Variants in PTCHD4 observed in about 807,000 individuals in gnomAD.
The protein encoded by PTCHD4 is patched domain containing 4.
Under a neutral mutation model 58.1 loss-of-function variants are expected in PTCHD4, and 33 were observed. That is an observed-to-expected ratio of 0.57 (90% CI 0.43 to 0.76). PTCHD4 has a LOEUF of 0.76. PTCHD4 is among the 30% of genes least tolerant of loss of function. The pLI is 0.00. For missense variants in PTCHD4, 1,058 were observed against 1,027.1 expected (o/e 1.03, Z -0.41); for synonymous variants, 478 against 409.6 (o/e 1.17, Z -2.02).
chr6:47,880,636 T>G (rs1763993509), intron 4 of PTCHD4, among the ~76,000 whole-genome samples: 1 of 152,142 alleles, frequency 6.6e-6, no homozygotes, highest in South Asian at 2.1e-4. Context: ...CTGATTCACG[T>G]GAGATGGATG....
chr6:48,037,184 A>T (rs1653950877), intron 3 of PTCHD4, among the ~76,000 whole-genome samples: 1 of 152,008 alleles, frequency 6.6e-6, no homozygotes, highest in African/African-American at 2.4e-5. Context: ...AGATATTTTG[A>T]GAGAGAGAGA....
Position 47,878,500 on chromosome 6 carries a change from A to C in PTCHD4, c.2335T>G (p.Phe779Val). 5.0e-6 allele frequency: 8 copies of C among 1,613,480 alleles called. No homozygotes were observed. The highest frequency in any genetic ancestry group is 6.8e-6 in the Non-Finnish European group (8 of 1,179,690). ...PLLFVPSNLT[F>V]TLFKCLLLTG... ...AGCAGCAAGCATTTGAACAGTGTGAAGGTCAGGTTCGAAGGCACAAATAGA... is the reference window on the plus strand; with the variant it reads ...AGCAGCAAGCATTTGAACAGTGTGACGGTCAGGTTCGAAGGCACAAATAGA... Residue 779 changes from phenylalanine to valine, a missense_variant, in exon 5 of 5, where the codon TTC becomes GTC. Physicochemically the swap from Phe to Val is conservative, Grantham distance 50. Transcript: ENST00000339488.
chr6:47,885,269 G>A (rs1190913044), intron 4 of PTCHD4, among the ~76,000 whole-genome samples: 1 of 150,560 alleles, frequency 6.6e-6, no homozygotes, highest in African/African-American at 2.5e-5. Flanking sequence ...AAATAATAAG[G>A]GGGTGTGTGT....
intron 1 of PTCHD4, among the ~76,000 whole-genome samples, chr6:48,073,326 C>T (rs955338702): frequency 1.3e-5 from 2 of 152,204 alleles, no homozygotes; most frequent in African/African-American, 4.8e-5. Flanking sequence ...TGGACTTGGA[C>T]ACAGAATAGC....
At chr6:48,002,206 T>A (rs1768753448) in intron 4 of PTCHD4, among the ~76,000 whole-genome samples, 1 of 152,194 alleles carries the variant, frequency 6.6e-6, no homozygotes, top group Non-Finnish European at 1.5e-5. Flanking sequence ...GGTGTGGCGA[T>A]TCCTCAGGGA....
chr6:47,996,877 CA>C lies in PTCHD4; in HGVS notation c.898+11756del, dbSNP rs1768509988. Among the ~76,000 whole-genome samples, 3 of 152,302 alleles carry C rather than the reference CA, an allele frequency of 2.0e-5. No individual in the cohort carries two copies. The East Asian group carries it at 5.8e-4, about 29-fold the overall frequency. ...TTTTTTAAAAGAACACATAATTTTA[CA>C]CTCAGGGGTATAACACTTTTCTAAA... On this transcript the variant is annotated intron_variant, in intron 4 of 4. Transcript: ENST00000339488.
At chr6:47,940,428 A>G (rs926527861) in intron 4 of PTCHD4, among the ~76,000 whole-genome samples, 2 of 152,130 alleles carry the variant, frequency 1.3e-5, no homozygotes, top group East Asian at 1.9e-4. Flanking sequence ...TATTTAAAAA[A>G]AGAGAGAGAG....
intron 3 of PTCHD4, among the ~76,000 whole-genome samples, chr6:48,031,155 T>G (rs775583160): frequency 6.6e-6 from 1 of 152,076 alleles, no homozygotes; most frequent in African/African-American, 2.4e-5. Flanking sequence ...CCCCTCCATT[T>G]CCCACCCCTT....
At chr6:47,988,857 T>G (rs111236735) in intron 4 of PTCHD4, among the ~76,000 whole-genome samples, 22,409 of 152,138 alleles carry the variant, frequency 0.15, 1,901 homozygotes, top group South Asian at 0.25. Context: ...TTGGTACCAG[T>G]AGAGTGGGGC....
chr6:47,988,849 G>A (rs928300966), intron 4 of PTCHD4, among the ~76,000 whole-genome samples: 1 of 152,112 alleles, frequency 6.6e-6, no homozygotes, highest in Non-Finnish European at 1.5e-5. Context: ...TCAGTAAATT[G>A]GTACCAGTAG....
chr6:47,959,033 TA>T (rs1368586803), intron 4 of PTCHD4, among the ~76,000 whole-genome samples: 1 of 152,196 alleles, frequency 6.6e-6, no homozygotes, highest in African/African-American at 2.4e-5. Context: ...TTCAACATGG[TA>T]AAATTCACAA....
At chr6:47,932,210 C>G (rs1056991387) in intron 4 of PTCHD4, among the ~76,000 whole-genome samples, 6 of 152,170 alleles carry the variant, frequency 3.9e-5, no homozygotes, top group African/African-American at 1.4e-4. Context: ...CAGGAGACTG[C>G]ACATAAGTAA....
intron 4 of PTCHD4, among the ~76,000 whole-genome samples, chr6:47,891,223 A>C (rs1764372661): frequency 8.0e-5 from 2 of 25,066 alleles, no homozygotes; most frequent in East Asian, 2.2e-3. Context: ...CTGTGTCTCA[A>C]AAAAAAAAAA....
At chr6:47,959,686 A>G (rs896352842) in intron 4 of PTCHD4, among the ~76,000 whole-genome samples, 2 of 152,222 alleles carry the variant, frequency 1.3e-5, no homozygotes, top group East Asian at 1.9e-4. Context: ...TTATATACAT[A>G]GAAACAAAGA....
At chr6:47,989,748 G>A (rs981272702) in intron 4 of PTCHD4, among the ~76,000 whole-genome samples, 2 of 152,226 alleles carry the variant, frequency 1.3e-5, no homozygotes, top group African/African-American at 4.8e-5. Flanking sequence ...GTTTGCTGCA[G>A]GGGCGAGGCC....
chr6:47,901,784 G>A, intron 4 of PTCHD4: 1 of 1,244,592 alleles, frequency 8.0e-7, no homozygotes, highest in Non-Finnish European at 1.0e-6. Context: ...TGATGACGAT[G>A]ATGATGATTT....
chr6:47,972,209 G>A (rs1369600000), intron 4 of PTCHD4, among the ~76,000 whole-genome samples: 1 of 152,086 alleles, frequency 6.6e-6, no homozygotes, highest in Non-Finnish European at 1.5e-5. Flanking sequence ...ATGTACAGTT[G>A]CTAAATCAAT....
chr6:48,073,816 C>T (rs1206522581), intron 1 of PTCHD4, among the ~76,000 whole-genome samples: 2 of 152,114 alleles, frequency 1.3e-5, no homozygotes, highest in Admixed American at 1.3e-4. Flanking sequence ...CTTTTTCATG[C>T]ATCTCTCTGA....
chr6:47,861,617 T>C lies in PTCHD4; in HGVS notation c.*16686A>G, dbSNP rs1282421765. Among the ~76,000 whole-genome samples the C allele has an allele frequency of 6.6e-6, 1 of 152,000 alleles. No homozygotes were observed. Among genetic ancestry groups the C allele is most frequent in the Non-Finnish European group, 1.5e-5 (1 of 67,926 alleles). On this transcript the variant is annotated 3_prime_UTR_variant, in exon 5 of 5. Coordinates refer to ENST00000339488, the MANE Select transcript of PTCHD4 (RefSeq NM_001384253.1). ...TCAGTATAGCAACTTCTATTTATTATGGAAGACATGTTAACTAAGAATCTT... is the reference window on the plus strand; with the variant it reads ...TCAGTATAGCAACTTCTATTTATTACGGAAGACATGTTAACTAAGAATCTT...
Sources: allele counts gnomAD v4.1 joint callset (sites outside exome capture counted in the v4.1 genomes callset), GRCh38; gene constraint gnomAD v4.1.1; transcripts MANE v1.5; gene names NCBI Gene and HGNC (gene_info 2026-07-23, HGNC 2026-07-21).